The following RAB37 variants were observed in gnomAD, a reference collection of about 807,000 sequenced individuals.
RAB37 encodes the protein RAB37, member RAS oncogene family, also known as ras-related protein Rab-37.
A neutral mutation model predicts 33.1 loss-of-function variants in RAB37; 29 were observed. That is an observed-to-expected ratio of 0.88 (90% CI 0.65 to 1.20). RAB37 has a LOEUF of 1.20. Among genes scored for constraint, RAB37 ranks in the 50% most tolerant of loss-of-function variants. The pLI, the probability that RAB37 is intolerant of heterozygous loss-of-function variation, is 0.00. For synonymous variants in RAB37, 128 were observed against 119.5 expected (o/e 1.07, Z -0.47); for missense variants, 299 against 301.1 (o/e 0.99, Z 0.05).
chr17:74,733,486 G>GTGTGT (rs2034421010), upstream of RAB37, among the ~76,000 whole-genome samples: 1 of 1,628 alleles, frequency 6.1e-4, no homozygotes, highest in Non-Finnish European at 1.5e-3. Flanking sequence ...GGTGTGAGGT[G>GTGTGT]TGTGGTGTGA....
Position 74,738,758 on chromosome 17 carries a change from C to T in RAB37, c.93+1393C>T, listed in dbSNP as rs781781963. Among the ~76,000 whole-genome samples, 5 of 152,158 alleles carry T rather than the reference C, an allele frequency of 3.3e-5. No individual in the cohort carries two copies. The highest frequency in any genetic ancestry group is 7.4e-5 in the Non-Finnish European group (5 of 68,014). On this transcript the variant is annotated intron_variant, in intron 1 of 8. Transcript: ENST00000392613. This position sits in a 1 kb window ranked among gnomAD's most constrained non-coding sequence, Gnocchi z 5.0. ...AGAGTTGGTCCCCAGCCTCCCCGGG[C>T]CTGCCCCAGGGGAGTGAGTCCAGGA... is the stretch of plus-strand genomic sequence containing the variant.
Position 74,745,291 on chromosome 17 carries a change from T to C in RAB37, c.567-15T>C, listed in dbSNP as rs1289015281. 1.9e-6 allele frequency: 3 copies of C among 1,611,278 alleles called. No individual in the cohort carries two copies. In the African/African-American group the frequency reaches 4.0e-5, roughly 22 times the overall value. On this transcript the variant is annotated splice_polypyrimidine_tract_variant and intron_variant, in intron 8 of 8. Coordinates refer to ENST00000392613, the MANE Select transcript of RAB37 (RefSeq NM_001006638.3). This position sits in a 1 kb window ranked among gnomAD's most constrained non-coding sequence, Gnocchi z 4.5. Reference sequence around the variant, plus strand: ...CCCAGCCCAGCCCAGCCCAGCCCATTGTCTCTTCTTCAAGGGAACTGAAAT... The same window carrying C: ...CCCAGCCCAGCCCAGCCCAGCCCATCGTCTCTTCTTCAAGGGAACTGAAAT...
At chr17:74,719,012 T>G (rs1317721943) in intron 1 of RAB37, among the ~76,000 whole-genome samples, 2 of 152,178 alleles carry the variant, frequency 1.3e-5, no homozygotes, top group Non-Finnish European at 2.9e-5. Flanking sequence ...GAAAAGGGTC[T>G]GTGGAAAAAT....
intron 1 of RAB37, among the ~76,000 whole-genome samples, chr17:74,714,319 G>A (rs917178851): frequency 1.3e-5 from 2 of 151,860 alleles, no homozygotes; most frequent in African/African-American, 2.4e-5. Context: ...CCAAGAGGTC[G>A]AAACTGCAGT....
At chr17:74,674,181 T>C (rs765093059) in intron 1 of RAB37, among the ~76,000 whole-genome samples, 18 of 152,030 alleles carry the variant, frequency 1.2e-4, no homozygotes, top group Non-Finnish European at 2.6e-4. Flanking sequence ...GGCAAGTGAT[T>C]CTCCCACCTC....
chr17:74,707,475 G>C (rs1050634824), intron 1 of RAB37, among the ~76,000 whole-genome samples: 2 of 152,204 alleles, frequency 1.3e-5, no homozygotes, highest in Non-Finnish European at 2.9e-5. Context: ...AGCACTTTGG[G>C]AGGCCACATT....
At position 74,728,909 on chromosome 17, in the gene RAB37, T is replaced by C. The variant is rs551855105; in HGVS notation, c.73-347T>C. On this transcript the variant is annotated intron_variant, in intron 1 of 7. Coordinates refer to the RAB37 transcript ENST00000340415. ...GTGTACATGTGTTTTTCTGTGTCTG[T>C]ACGTGTCTTGTGCATGTATGTTTCT... 6.0e-3 allele frequency among the ~76,000 whole-genome samples: 919 copies of C among 152,174 alleles called. 10 individuals carry two copies. The highest frequency in any genetic ancestry group is 0.021 in the African/African-American group (874 of 41,502).
At chr17:74,674,883 T>C (rs937245820) in intron 1 of RAB37, among the ~76,000 whole-genome samples, 2 of 152,068 alleles carry the variant, frequency 1.3e-5, no homozygotes, top group Non-Finnish European at 2.9e-5. Flanking sequence ...GGAAGAAGCA[T>C]CATCTTGTGT....
At chr17:74,701,555 C>T (rs2033050614) in intron 1 of RAB37, among the ~76,000 whole-genome samples, 1 of 152,164 alleles carries the variant, frequency 6.6e-6, no homozygotes, top group Non-Finnish European at 1.5e-5. Context: ...TATTGATTTG[C>T]TTAGGAAAAA....
intron 1 of RAB37, among the ~76,000 whole-genome samples, chr17:74,684,218 C>T (rs891207650): frequency 2.6e-5 from 4 of 152,020 alleles, no homozygotes; most frequent in Non-Finnish European, 5.9e-5. Flanking sequence ...CCTACTTCAG[C>T]CTCCTGAGCA....
intron 1 of RAB37, among the ~76,000 whole-genome samples, chr17:74,708,717 C>T (rs1489098465): frequency 6.6e-6 from 1 of 152,096 alleles, no homozygotes; most frequent in Non-Finnish European, 1.5e-5. Flanking sequence ...GAGATCGAGA[C>T]CATCCTGGCT....
At position 74,744,246 on chromosome 17, in the gene RAB37, G is replaced by A; in HGVS notation, c.367-62G>A. On this transcript the variant is annotated intron_variant, in intron 5 of 8. Coordinates refer to ENST00000392613, the MANE Select transcript of RAB37 (RefSeq NM_001006638.3). This position sits in a 1 kb window ranked among gnomAD's most constrained non-coding sequence, Gnocchi z 4.2. ...GAGTAACTGAGGATAGTCAAACGGA[G>A]CAGAAGAAGAAAGGGGCAGCAGGAG... 6.7e-7 allele frequency: 1 copy of A among 1,493,442 alleles called. No individual in the cohort carries two copies. The allele number at this position is 1,493,442 out of a possible 1,614,324, so 92.5% of individuals were successfully genotyped here.
chr17:74,712,300 G>A (rs1337936467), intron 1 of RAB37, among the ~76,000 whole-genome samples: 1 of 152,070 alleles, frequency 6.6e-6, no homozygotes, highest in African/African-American at 2.4e-5. Flanking sequence ...CTACGTCCCT[G>A]CCAGTCTTAT....
At chr17:74,734,040 A>G (rs753584498), upstream of RAB37, among the ~76,000 whole-genome samples, 7 of 152,134 alleles carry the variant, frequency 4.6e-5, no homozygotes, top group Admixed American at 1.3e-4. Context: ...CTAATGTTCA[A>G]CCTTCTGTAT....
intron 1 of RAB37, chr17:74,704,888 T>C: frequency 8.3e-7 from 1 of 1,200,652 alleles, no homozygotes; most frequent in Non-Finnish European, 1.2e-6. Flanking sequence ...GTTTAGGGAA[T>C]AGCTCCCAAA....
intron 1 of RAB37, among the ~76,000 whole-genome samples, chr17:74,728,971 T>C (rs1336610029): frequency 6.6e-6 from 1 of 152,076 alleles, no homozygotes; most frequent in Non-Finnish European, 1.5e-5. Context: ...GTTGTACATG[T>C]GTGTACGTGT....
chr17:74,695,704 C>T (rs1181761092), intron 1 of RAB37: 2 of 1,613,908 alleles, frequency 1.2e-6, no homozygotes, highest in Non-Finnish European at 1.7e-6. Context: ...AGCCTCACAG[C>T]AGCCCCCATG....
intron 1 of RAB37, among the ~76,000 whole-genome samples, chr17:74,724,500 G>A (rs1307414502): frequency 1.3e-5 from 2 of 152,198 alleles, no homozygotes; most frequent in Admixed American, 6.5e-5. Context: ...TCACATATCT[G>A]TCTCATGTGT....
intron 1 of RAB37, among the ~76,000 whole-genome samples, chr17:74,714,841 GC>G (rs757095273): frequency 6.1e-4 from 93 of 152,286 alleles, no homozygotes; most frequent in Middle Eastern, 3.4e-3. Flanking sequence ...ATTAGGAAGG[GC>G]CAGACTCAGT....
Sources: allele counts gnomAD v4.1 joint callset (sites outside exome capture counted in the v4.1 genomes callset), GRCh38; gene constraint gnomAD v4.1.1; non-coding constraint Gnocchi (gnomAD v3.1); transcripts MANE v1.5; gene names NCBI Gene and HGNC (gene_info 2026-07-23, HGNC 2026-07-21).